The following ADAM7 variants were observed in gnomAD, a reference collection of about 807,000 sequenced individuals.
The protein encoded by ADAM7 is ADAM metallopeptidase domain 7, also known as disintegrin and metalloproteinase domain-containing protein 7.
A neutral mutation model predicts 102.9 loss-of-function variants in ADAM7; 97 were observed. The observed-to-expected ratio is 0.94, with a 90% CI of 0.80 to 1.12. ADAM7 has a LOEUF of 1.12. Ranked by LOEUF, ADAM7 falls within the 50% of genes most tolerant of loss-of-function variation. ADAM7 has a pLI of 0.00. For synonymous variants in ADAM7, 334 were observed against 304.4 expected, an observed-to-expected ratio of 1.10 and a Z score of -1.01; for missense variants, 991 against 908.7, an observed-to-expected ratio of 1.09 and a Z score of -1.16.
intron 20 of ADAM7, chr8:24,506,017 A>G (rs1820937454): frequency 8.8e-7 from 1 of 1,134,408 alleles, no homozygotes; most frequent in South Asian, 1.3e-5. Flanking sequence ...TCTACACAAG[A>G]ATATTATGTC....
intron 3 of ADAM7, among the ~76,000 whole-genome samples, chr8:24,458,001 G>A (rs1274570524): frequency 1.3e-5 from 2 of 151,874 alleles, no homozygotes; most frequent in Non-Finnish European, 2.9e-5. Flanking sequence ...TGGCACCTTC[G>A]GCCAAAATCA....
intron 3 of ADAM7, among the ~76,000 whole-genome samples, chr8:24,461,340 C>CTT (rs397771782): frequency 6.6e-6 from 1 of 151,546 alleles, no homozygotes; most frequent in Non-Finnish European, 1.5e-5. Flanking sequence ...ATGTTCTCCT[C>CTT]TTCTGGCTCA....
Position 24,463,936 on chromosome 8 carries a change from G to A in ADAM7, c.288G>A (p.Ala96=), listed in dbSNP as rs763449473. The A allele has an allele frequency of 1.9e-5, 31 of 1,613,444 alleles. No individual in the cohort carries two copies. The highest frequency in any genetic ancestry group is 1.2e-4 in the African/African-American group (9 of 74,862). Residue 96 remains alanine, a synonymous_variant, in exon 4 of 22, where the codon GCG becomes GCA. Transcript: ENST00000175238. ...SETFYSMKGE[A]FTRHPQIMDH... ...CATTCTACTCCATGAAAGGAGAAGCGTTCACCAGGCATCCTCAGATCATGG... is the reference window on the plus strand; with the variant it reads ...CATTCTACTCCATGAAAGGAGAAGCATTCACCAGGCATCCTCAGATCATGG...
chr8:24,505,410 A>G (rs1273550350), intron 20 of ADAM7, among the ~76,000 whole-genome samples: 3 of 152,170 alleles, frequency 2.0e-5, no homozygotes, highest in African/African-American at 7.2e-5. Context: ...TGTTGATGGT[A>G]TATACACCAT....
At chr8:24,494,723 C>CT (rs200731625) in intron 16 of ADAM7, among the ~76,000 whole-genome samples, 48,595 of 151,838 alleles carry the variant, frequency 0.32, 7,965 homozygotes, top group South Asian at 0.4. Context: ...AAAAAAAAAT[C>CT]TCTTTTTGGC....
chr8:24,442,599 T>G lies in ADAM7; in HGVS notation c.156+23T>G, dbSNP rs925642766. The G allele has an allele frequency of 6.4e-6, 10 of 1,572,066 alleles. No homozygotes were observed. The African/African-American group carries it at 1.2e-4, about 19-fold the overall frequency. ...CTGGTACAAGTTTTGATTTAGTAAATAAGATTTGTTGCTTTCACAGGCATG... is the reference window on the plus strand; with the variant it reads ...CTGGTACAAGTTTTGATTTAGTAAAGAAGATTTGTTGCTTTCACAGGCATG... On this transcript the variant is annotated intron_variant, in intron 2 of 21. Transcript: ENST00000175238.
rs1202985359 is a variant in ADAM7, at chr8:24,491,991, A to C, written c.1445A>C (p.Lys482Thr). The C allele has an allele frequency of 6.2e-7, 1 of 1,614,008 alleles. No individual in the cohort carries two copies. The highest frequency in any genetic ancestry group is 1.7e-5 in the Admixed American group (1 of 60,008). ...MCTGHSPACP[K>T]DQFRVNGFPC... is the part of the protein sequence containing the mutation. ...ACTGGCCACTCGCCTGCCTGTCCTA[A>C]GGACCAGTTCAGGGTCAATGGATTT... Residue 482 changes from lysine to threonine, a missense_variant, in exon 14 of 22, where the codon AAG (lysine) becomes ACG (threonine). Coordinates refer to ENST00000175238, the MANE Select transcript of ADAM7 (RefSeq NM_003817.4).
intron 20 of ADAM7, among the ~76,000 whole-genome samples, chr8:24,503,990 C>T (rs1364680227): frequency 6.8e-6 from 1 of 147,222 alleles, no homozygotes; most frequent in Admixed American, 6.8e-5. Context: ...TAAACCTGCA[C>T]GTTCTACACA....
chr8:24,466,925 G>C lies in ADAM7; in HGVS notation c.516G>C (p.Glu172Asp), dbSNP rs1239220173. Residue 172 changes from glutamate (E) to aspartate (D), a missense_variant, in exon 6 of 22, where the codon GAG becomes GAC. Physicochemically the swap from Glu to Asp is conservative, Grantham distance 45. Coordinates refer to ENST00000175238, the MANE Select transcript of ADAM7 (RefSeq NM_003817.4). ...VPYGANYSCT[E>D]LNFTRKTVPG... ...ATGGTGCCAATTATTCCTGTACAGAGCTTAATTTTACCAGAAAAACTGTTC... is the reference window on the plus strand; with the variant it reads ...ATGGTGCCAATTATTCCTGTACAGACCTTAATTTTACCAGAAAAACTGTTC... 7.4e-6 allele frequency: 12 copies of C among 1,614,022 alleles called. No homozygotes were observed. The South Asian group carries it at 1.3e-4, about 18-fold the overall frequency.
intron 7 of ADAM7, 75 bp from the exon 8 acceptor site, chr8:24,476,358 T>G (rs1467838373): frequency 9.0e-7 from 1 of 1,111,078 alleles, no homozygotes; most frequent in Non-Finnish European, 1.3e-6. Flanking sequence ...TAATAGCTGA[T>G]GAATGAAGTA....
chr8:24,464,348 T>G (rs1480095967), intron 4 of ADAM7, among the ~76,000 whole-genome samples: 1 of 152,202 alleles, frequency 6.6e-6, no homozygotes. Context: ...TTGATCCTTA[T>G]GTGATTCTCA....
rs377593221 is a variant in ADAM7, at chr8:24,485,329, T to G, written c.928T>G (p.Cys310Gly). Residue 310 changes from cysteine (C) to glycine (G), a missense_variant, in exon 10 of 22, where the codon TGC becomes GGC. Coordinates refer to ENST00000175238, the MANE Select transcript of ADAM7 (RefSeq NM_003817.4). Reference sequence around the variant, plus strand: ...AGGAATTTCTTATCCAGGGGGTATGTGCCTGCCCTATTATTCCACCAGTAT... The same window carrying G: ...AGGAATTTCTTATCCAGGGGGTATGGGCCTGCCCTATTATTCCACCAGTAT... ...VQGISYPGGMCLPYYSTSIIK... is the reference protein window; with the variant it reads ...VQGISYPGGMGLPYYSTSIIK... 3.1e-6 allele frequency: 5 copies of G among 1,613,672 alleles called. No individual in the cohort carries two copies. Among genetic ancestry groups the G allele is most frequent in the African/African-American group, 1.3e-5 (1 of 74,904 alleles).
At chr8:24,463,746 G>T in intron 3 of ADAM7, 136 bp from the exon 4 acceptor site, 1 of 631,490 alleles carries the variant, frequency 1.6e-6, no homozygotes, top group Non-Finnish European at 2.7e-6. Flanking sequence ...GCTTGATTTT[G>T]CTTTACTATT....
intron 4 of ADAM7, among the ~76,000 whole-genome samples, chr8:24,464,921 T>C (rs1325301653): frequency 7.0e-6 from 1 of 142,726 alleles, no homozygotes; most frequent in Non-Finnish European, 1.5e-5. Context: ...CAAGTAGCTG[T>C]GACTACAGGC....
chr8:24,460,718 T>C (rs1308263915), intron 3 of ADAM7, among the ~76,000 whole-genome samples: 1 of 148,794 alleles, frequency 6.7e-6, no homozygotes, highest in Non-Finnish European at 1.5e-5. Context: ...TATATACATA[T>C]ACACATATAT....
Position 24,489,252 on chromosome 8 carries a change from T to C in ADAM7, c.1185T>C (p.Phe395=), listed in dbSNP as rs1820253340. ...YKPTCMLNIP[F]PYNFHDFQFC... ...CAACATGCATGCTCAACATTCCATT[T>C]CCTTACAATTTTCATGATTTCCAAT... The change falls in exon 12 of 22, where the codon TTT becomes TTC. Residue 395 remains phenylalanine (F), a synonymous_variant. Coordinates refer to ENST00000175238, the MANE Select transcript of ADAM7 (RefSeq NM_003817.4). 6.2e-7 allele frequency: 1 copy of C among 1,613,684 alleles called. No individual in the cohort carries two copies. Among genetic ancestry groups the C allele is most frequent in the Middle Eastern group, 1.7e-4 (1 of 6,056 alleles).
rs150556937 is a variant in ADAM7, at chr8:24,486,881, A to G, written c.961-306A>G. ...AAGAGGTAAAAATCATAATAACATT[A>G]GTTCATAGTTTTTAACTATTTATAA... On this transcript the variant is annotated intron_variant, in intron 10 of 21. Transcript: ENST00000175238. 1.1e-4 allele frequency among the ~76,000 whole-genome samples: 17 copies of G among 152,360 alleles called. No individual in the cohort carries two copies. The East Asian group carries it at 3.1e-3, about 28-fold the overall frequency.
At chr8:24,453,963 C>T (rs183184913) in intron 3 of ADAM7, among the ~76,000 whole-genome samples, 11 of 152,306 alleles carry the variant, frequency 7.2e-5, no homozygotes, top group Admixed American at 2.0e-4. Flanking sequence ...TGCAGAACAG[C>T]GGACTTTTGT....
intron 3 of ADAM7, among the ~76,000 whole-genome samples, chr8:24,456,653 C>T (rs1197418115): frequency 5.5e-5 from 8 of 146,752 alleles, no homozygotes; most frequent in South Asian, 2.1e-4. Context: ...TTTTTTTTGC[C>T]GTAGATTACA....
Sources: allele counts gnomAD v4.1 joint callset (sites outside exome capture counted in the v4.1 genomes callset), GRCh38; gene constraint gnomAD v4.1.1; transcripts MANE v1.5; gene names NCBI Gene and HGNC (gene_info 2026-07-23, HGNC 2026-07-21).